Variants in WDFY4 observed in about 807,000 individuals in gnomAD.
WDFY4 encodes the protein WDFY family member 4.
WDFY4 carries 169 observed loss-of-function variants against 351.9 expected under a neutral mutation model. That is an observed-to-expected ratio of 0.48 (90% CI 0.42 to 0.55). The LOEUF (loss-of-function observed/expected upper bound fraction) is 0.55, where lower values mean the gene tolerates loss of function less well. Ranked by LOEUF, WDFY4 falls within the 20% of genes least tolerant of loss-of-function variation. The pLI, the probability that WDFY4 is intolerant of heterozygous loss-of-function variation, is 0.00. For synonymous variants in WDFY4, 1,622 were observed against 1,574.6 expected (o/e 1.03, Z -0.71); for missense variants, 3,803 against 3,935.6 (o/e 0.97, Z 0.90).
At chr10:48,828,724 T>C (rs2133047107) in intron 36 of WDFY4, 54 bp from the exon 37 acceptor site, 1 of 1,060,408 alleles carries the variant, frequency 9.4e-7, no homozygotes, top group Admixed American at 2.6e-5. Flanking sequence ...AATAGAATGG[T>C]CTCAAGGAAA....
chr10:48,795,254 G>A (rs544227448), intron 23 of WDFY4, among the ~76,000 whole-genome samples: 14 of 151,930 alleles, frequency 9.2e-5, no homozygotes, highest in Non-Finnish European at 1.8e-4. Flanking sequence ...GAGGTCAGGT[G>A]GGGGAGAGGA....
intron 35 of WDFY4, chr10:48,823,379 C>A (rs954336667): frequency 1.9e-5 from 23 of 1,235,960 alleles, no homozygotes; most frequent in Non-Finnish European, 2.3e-5. Context: ...CCTGGTTATG[C>A]CCTCTGCAGC....
chr10:48,734,546 T>C (rs528774727), intron 10 of WDFY4, among the ~76,000 whole-genome samples: 2 of 134,302 alleles, frequency 1.5e-5, no homozygotes, highest in East Asian at 2.2e-4. Flanking sequence ...ATATATATAA[T>C]GACATAGACA....
chr10:48,825,399 GA>G (rs1225655584), intron 35 of WDFY4, among the ~76,000 whole-genome samples: 29 of 152,100 alleles, frequency 1.9e-4, no homozygotes, highest in Admixed American at 1.3e-4. Flanking sequence ...TTGCTATTGT[GA>G]ATAGTGCTGC....
At position 48,970,134 on chromosome 10, in the gene WDFY4, C is replaced by T. The variant is rs1168577516; in HGVS notation, c.8773C>T (p.Leu2925=). 1.3e-6 allele frequency: 2 copies of T among 1,551,550 alleles called. No homozygotes were observed. The highest frequency in any genetic ancestry group is 2.0e-5 in the Admixed American group (1 of 51,008). Residue 2925 remains leucine (L), a synonymous_variant, in exon 57 of 62, where the codon CTG becomes TTG. Transcript: ENST00000325239. ...TCATCCCCCTTATCTCCTACAGGTC[C>T]TGATGACATTCGAGAACCTGGCTGC... ...CLGSYGSDKV[L]MTFENLAAWG... is the part of the protein sequence containing the mutation.
At chr10:48,782,968 T>G (rs1028101121) in intron 19 of WDFY4, among the ~76,000 whole-genome samples, 1 of 152,142 alleles carries the variant, frequency 6.6e-6, no homozygotes. Context: ...GAGGACTCTG[T>G]GCCTGCGAGA....
chr10:48,922,127 A>G (rs1202855539), intron 47 of WDFY4, among the ~76,000 whole-genome samples: 1 of 152,142 alleles, frequency 6.6e-6, no homozygotes, highest in East Asian at 1.9e-4. Context: ...TGCTATTTCC[A>G]TTTCCACATT....
chr10:48,687,923 T>C (rs193214159), intron 1 of WDFY4, among the ~76,000 whole-genome samples: 1 of 152,256 alleles, frequency 6.6e-6, no homozygotes, highest in Non-Finnish European at 1.5e-5. Context: ...CTGGGACTAC[T>C]GGCGTGCGCC....
intron 47 of WDFY4, among the ~76,000 whole-genome samples, chr10:48,904,032 G>A (rs2072856561): frequency 6.6e-6 from 1 of 152,156 alleles, no homozygotes; most frequent in South Asian, 2.1e-4. Context: ...AGGTGGGAGT[G>A]GTCAAGTGTT....
Position 48,788,689 on chromosome 10 carries a change from C to G in WDFY4, c.3954+14C>G, listed in dbSNP as rs1222431101. The G allele has an allele frequency of 1.9e-6, 3 of 1,550,922 alleles. No homozygotes were observed. The African/African-American group carries it at 4.1e-5, about 21-fold the overall frequency. On this transcript the variant is annotated intron_variant, in intron 21 of 61. Coordinates refer to ENST00000325239, the MANE Select transcript of WDFY4 (RefSeq NM_001394531.1). Reference sequence around the variant, plus strand: ...ATCGCCAAAGAGGTACATCTTCTAACTTCGCTGCTAATCTCTGTTGGAATC... The same window carrying G: ...ATCGCCAAAGAGGTACATCTTCTAAGTTCGCTGCTAATCTCTGTTGGAATC...
At chr10:48,942,500 G>A (rs1274187375) in intron 48 of WDFY4, among the ~76,000 whole-genome samples, 1 of 152,210 alleles carries the variant, frequency 6.6e-6, no homozygotes, top group African/African-American at 2.4e-5. Flanking sequence ...AGGGGGCAGA[G>A]CATGGGTGTC....
intron 43 of WDFY4, among the ~76,000 whole-genome samples, chr10:48,886,827 AT>A (rs2133351310): frequency 6.6e-6 from 1 of 152,328 alleles, no homozygotes; most frequent in South Asian, 2.1e-4. Context: ...TATTTTACCC[AT>A]CAAGAGTGCT....
chr10:48,837,333 G>A (rs1476561285), intron 39 of WDFY4, among the ~76,000 whole-genome samples: 1 of 152,070 alleles, frequency 6.6e-6, no homozygotes, highest in African/African-American at 2.4e-5. Context: ...CCAAGGCAGT[G>A]GGTAAAAGCC....
intron 36 of WDFY4, 27 bp downstream of exon 36, chr10:48,826,936 T>A: frequency 6.6e-7 from 1 of 1,523,536 alleles, no homozygotes; most frequent in Non-Finnish European, 8.9e-7. Flanking sequence ...TGTTTCCTTG[T>A]CTGCTGGTGG....
intron 11 of WDFY4, among the ~76,000 whole-genome samples, chr10:48,738,705 C>T (rs143059939): frequency 4.6e-5 from 7 of 152,332 alleles, no homozygotes; most frequent in African/African-American, 7.2e-5. Flanking sequence ...AACTTTGGAA[C>T]GAAGATGCTA....
At chr10:48,721,207 G>A (rs968973864) in intron 3 of WDFY4, 54 bp from the exon 4 acceptor site, 5 of 1,510,936 alleles carry the variant, frequency 3.3e-6, no homozygotes, top group East Asian at 4.9e-5. Context: ...CTGGATGGAG[G>A]GGAAGCTGAG....
chr10:48,695,562 A>G (rs2063309799), intron 1 of WDFY4, among the ~76,000 whole-genome samples: 2 of 152,194 alleles, frequency 1.3e-5, no homozygotes, highest in African/African-American at 4.8e-5. Flanking sequence ...CCTACCTTAC[A>G]GGTTTTCTAA....
intron 47 of WDFY4, among the ~76,000 whole-genome samples, chr10:48,905,314 G>A (rs1837559586): frequency 6.6e-6 from 1 of 152,210 alleles, no homozygotes; most frequent in Non-Finnish European, 1.5e-5. Context: ...TGCCCACTAA[G>A]TTAGAGGCCC....
At chr10:48,685,079 A>G (rs1397382455) in intron 1 of WDFY4, 78 bp downstream of exon 1, 2 of 152,502 alleles carry the variant, frequency 1.3e-5, no homozygotes, top group African/African-American at 4.8e-5. Context: ...CGTGGGGCCT[A>G]CTGGCTGCCT....
Sources: allele counts gnomAD v4.1 joint callset (sites outside exome capture counted in the v4.1 genomes callset), GRCh38; gene constraint gnomAD v4.1.1; transcripts MANE v1.5; gene names NCBI Gene and HGNC (gene_info 2026-07-23, HGNC 2026-07-21).